The following RNLS variants were observed in gnomAD, a reference collection of about 807,000 sequenced individuals.
RNLS encodes the protein renalase, FAD dependent amine oxidase, also known as renalase.
In RNLS, 39 loss-of-function variants were observed where a neutral mutation model predicts 39.8. The observed-to-expected ratio is 0.98, with a 90% CI of 0.76 to 1.28. The LOEUF is 1.28. RNLS is among the 50% of genes most tolerant of loss of function. The probability of loss-of-function intolerance (pLI) is 0.00; values close to 1 mark genes in which losing one functional copy is unlikely to be tolerated. For missense variants in RNLS, 410 were observed against 413.3 expected (o/e 0.99, Z 0.07); for synonymous variants, 147 against 150.7 (o/e 0.98, Z 0.18).
chr10:88,462,215 T>A (rs1332868451), intron 4 of RNLS, among the ~76,000 whole-genome samples: 1 of 152,058 alleles, frequency 6.6e-6, no homozygotes, highest in Admixed American at 6.6e-5. Flanking sequence ...AATTTTAAAC[T>A]TTTAATTTTT....
intron 1 of RNLS, 62 bp from the exon 2 acceptor site, chr10:88,582,369 A>G (rs1564922997): frequency 7.5e-7 from 1 of 1,339,544 alleles, no homozygotes; most frequent in Non-Finnish European, 1.0e-6. Flanking sequence ...AATTAATTCA[A>G]TGCACCTTAG....
intron 4 of RNLS, among the ~76,000 whole-genome samples, chr10:88,403,305 T>C (rs932865272): frequency 6.6e-6 from 1 of 151,956 alleles, no homozygotes; most frequent in Non-Finnish European, 1.5e-5. Flanking sequence ...CATGTGCACA[T>C]ATGAAGATCA....
At chr10:88,582,927 C>A in intron 1 of RNLS, 146 bp downstream of exon 1, 3 of 925,996 alleles carry the variant, frequency 3.2e-6, no homozygotes, top group Non-Finnish European at 4.5e-6. Flanking sequence ...GCGCGCCACT[C>A]GGCGCATGGG....
downstream of RNLS, among the ~76,000 whole-genome samples, chr10:88,282,450 G>C (rs1843046956): frequency 6.6e-6 from 1 of 150,642 alleles, no homozygotes; most frequent in Non-Finnish European, 1.5e-5. Flanking sequence ...TTATTTCACA[G>C]AGGTGTTAGG....
At chr10:88,371,981 G>A (rs1850595147) in intron 4 of RNLS, among the ~76,000 whole-genome samples, 1 of 152,116 alleles carries the variant, frequency 6.6e-6, no homozygotes, top group South Asian at 2.1e-4. Context: ...AATGCTTTAA[G>A]TGGCATTTAA....
At chr10:88,315,798 A>G (rs1376829001) in intron 5 of RNLS, among the ~76,000 whole-genome samples, 1 of 150,606 alleles carries the variant, frequency 6.6e-6, no homozygotes, top group Non-Finnish European at 1.5e-5. Context: ...TTTAATGAGA[A>G]TAAGTTAGTA....
chr10:88,206,348 A>C, the RNLS span, among the ~76,000 whole-genome samples: 2 of 152,182 alleles, frequency 1.3e-5, no homozygotes, highest in Non-Finnish European at 2.9e-5. Context: ...AGAGGGGCTA[A>C]GAACACTCTT....
chr10:88,235,308 A>G, the RNLS span, among the ~76,000 whole-genome samples: 2 of 150,414 alleles, frequency 1.3e-5, no homozygotes, highest in African/African-American at 2.4e-5. Context: ...AATCCCTAAC[A>G]TGGATCCAAA....
chr10:88,217,737 T>TAAAAAAAAAAAAAAA, the RNLS span, among the ~76,000 whole-genome samples: 2 of 22,412 alleles, frequency 8.9e-5, no homozygotes, highest in African/African-American at 4.8e-4. Flanking sequence ...TGCCTTCAAA[T>TAAAAAAAAAAAAAAA]GAAAAAAAAA....
chr10:88,527,634 C>T (rs1847185019), intron 4 of RNLS, among the ~76,000 whole-genome samples: 1 of 152,084 alleles, frequency 6.6e-6, no homozygotes, highest in Non-Finnish European at 1.5e-5. Flanking sequence ...TCCTGATTTT[C>T]CTTGGTGAAA....
At chr10:88,357,363 T>G (rs1399898409) in intron 5 of RNLS, among the ~76,000 whole-genome samples, 1 of 152,192 alleles carries the variant, frequency 6.6e-6, no homozygotes, top group Non-Finnish European at 1.5e-5. Context: ...TCAGAGATCT[T>G]CTTGAGAGGT....
chr10:88,519,039 C>A (rs969342101), intron 4 of RNLS, among the ~76,000 whole-genome samples: 1 of 152,042 alleles, frequency 6.6e-6, no homozygotes, highest in Non-Finnish European at 1.5e-5. Flanking sequence ...AGCTTGGCTG[C>A]TCATTAGAAC....
chr10:88,180,325 G>A, the RNLS span, among the ~76,000 whole-genome samples: 1 of 152,132 alleles, frequency 6.6e-6, no homozygotes, highest in South Asian at 2.1e-4. Flanking sequence ...ATATATTATT[G>A]CAGCTGTAGA....
intron 4 of RNLS, among the ~76,000 whole-genome samples, chr10:88,450,079 C>T (rs1329450805): frequency 1.3e-5 from 2 of 151,634 alleles, no homozygotes; most frequent in African/African-American, 4.8e-5. Flanking sequence ...AGTCTGGAAG[C>T]CTTAACATGT....
At chr10:88,330,147 A>C (rs896453045) in intron 5 of RNLS, among the ~76,000 whole-genome samples, 1 of 148,216 alleles carries the variant, frequency 6.7e-6, no homozygotes, top group Non-Finnish European at 1.5e-5. Context: ...ATTTTATATT[A>C]TCTCTCTCTA....
At chr10:88,514,212 G>A (rs1233820428) in intron 4 of RNLS, among the ~76,000 whole-genome samples, 1 of 151,820 alleles carries the variant, frequency 6.6e-6, no homozygotes, top group African/African-American at 2.4e-5. Context: ...GGAGAAGCAA[G>A]TATGTCTTAC....
chr10:88,432,384 G>A (rs984980221), intron 4 of RNLS, among the ~76,000 whole-genome samples: 2 of 151,736 alleles, frequency 1.3e-5, no homozygotes, highest in African/African-American at 4.8e-5. Flanking sequence ...GCAGCATATA[G>A]TTATGTCCTG....
the RNLS span, among the ~76,000 whole-genome samples, chr10:88,203,411 TAC>T: frequency 0.2 from 844 of 4,294 alleles, 244 homozygotes; most frequent in Non-Finnish European, 0.24. Context: ...TATATATATA[TAC>T]ACGTATGTGT....
At chr10:88,578,273 A>G (rs553933538) in intron 3 of RNLS, among the ~76,000 whole-genome samples, 16 of 152,166 alleles carry the variant, frequency 1.1e-4, no homozygotes, top group Admixed American at 3.9e-4. Context: ...ATTTTTTTCA[A>G]TGAAAGAACT....
Sources: allele counts gnomAD v4.1 joint callset (sites outside exome capture counted in the v4.1 genomes callset), GRCh38; gene constraint gnomAD v4.1.1; transcripts MANE v1.5; gene names NCBI Gene and HGNC (gene_info 2026-07-23, HGNC 2026-07-21).